Variants in KCND2 observed in about 807,000 individuals in gnomAD.
The protein encoded by KCND2 is potassium voltage-gated channel subfamily D member 2, also known as A-type voltage-gated potassium channel KCND2.
Under a neutral mutation model 54.4 loss-of-function variants are expected in KCND2, and 16 were observed. The ratio of observed to expected loss-of-function variants is 0.29; its 90% confidence interval spans 0.20 to 0.45. The LOEUF (loss-of-function observed/expected upper bound fraction) is 0.45, where lower values mean the gene tolerates loss of function less well. KCND2 is among the 20% of genes least tolerant of loss of function. The probability of loss-of-function intolerance (pLI) is 1.00; values close to 1 mark genes in which losing one functional copy is unlikely to be tolerated. For synonymous variants in KCND2, 317 were observed against 310.7 expected (o/e 1.02, Z -0.21); for missense variants, 486 against 824.2 (o/e 0.59, Z 5.02).
chr7:120,325,014 A>G (rs1482309042), intron 1 of KCND2, among the ~76,000 whole-genome samples: 2 of 132,550 alleles, frequency 1.5e-5, no homozygotes, highest in Non-Finnish European at 3.2e-5. Flanking sequence ...GAGGTCCTTC[A>G]CATCCCTTGT....
chr7:120,330,446 T>A (rs1462472701), intron 1 of KCND2, among the ~76,000 whole-genome samples: 1 of 151,840 alleles, frequency 6.6e-6, no homozygotes, highest in Non-Finnish European at 1.5e-5. Context: ...ATGGGCATGG[T>A]GGCAGGCACC....
chr7:120,680,835 A>G (rs184042098), intron 1 of KCND2, among the ~76,000 whole-genome samples: 1 of 152,240 alleles, frequency 6.6e-6, no homozygotes, highest in African/African-American at 2.4e-5. Flanking sequence ...ATTAAGAAAT[A>G]AAAGTATAGG....
At chr7:120,656,404 A>G (rs1005906649) in intron 1 of KCND2, among the ~76,000 whole-genome samples, 4 of 152,216 alleles carry the variant, frequency 2.6e-5, no homozygotes, top group East Asian at 1.9e-4. Flanking sequence ...ATTTTACCCA[A>G]TGAAACATGG....
At chr7:120,559,357 G>A (rs1008145231) in intron 1 of KCND2, among the ~76,000 whole-genome samples, 21 of 152,150 alleles carry the variant, frequency 1.4e-4, no homozygotes, top group South Asian at 6.2e-4. Context: ...TCATCTACCA[G>A]ACAATTCCAA....
intron 1 of KCND2, among the ~76,000 whole-genome samples, chr7:120,540,285 G>A (rs994970215): frequency 2.0e-5 from 3 of 152,146 alleles, no homozygotes; most frequent in Admixed American, 6.5e-5. Context: ...CTTACCTTAT[G>A]ATATAAAATT....
intron 1 of KCND2, among the ~76,000 whole-genome samples, chr7:120,441,141 T>C (rs1298050197): frequency 6.6e-6 from 1 of 152,112 alleles, no homozygotes. Context: ...GATAATTTTA[T>C]ATAAATGTTT....
intron 1 of KCND2, among the ~76,000 whole-genome samples, chr7:120,599,172 T>C (rs1184575768): frequency 1.3e-5 from 2 of 152,160 alleles, no homozygotes; most frequent in Admixed American, 6.5e-5. Context: ...GTTGGTTCCA[T>C]TGATATATTT....
intron 1 of KCND2, among the ~76,000 whole-genome samples, chr7:120,605,199 A>G (rs570593579): frequency 3.9e-5 from 6 of 152,114 alleles, no homozygotes; most frequent in Admixed American, 6.6e-5. Flanking sequence ...AAAAGAAACC[A>G]CATACTTGTT....
intron 1 of KCND2, among the ~76,000 whole-genome samples, chr7:120,526,005 A>G (rs1791768408): frequency 6.6e-6 from 1 of 152,110 alleles, no homozygotes; most frequent in African/African-American, 2.4e-5. Flanking sequence ...TTTACAAGTG[A>G]TAATCACCAC....
At chr7:120,682,246 T>C (rs1263485463) in intron 1 of KCND2, among the ~76,000 whole-genome samples, 1 of 152,012 alleles carries the variant, frequency 6.6e-6, no homozygotes, top group African/African-American at 2.4e-5. Context: ...ATAAGTTATT[T>C]CTCTCAGGGA....
chr7:120,426,221 T>G lies in KCND2; in HGVS notation c.1115+150474T>G, dbSNP rs188285602. 1.6e-3 allele frequency among the ~76,000 whole-genome samples: 249 copies of G among 152,188 alleles called. 4 individuals are homozygous for G. The East Asian group carries it at 0.041, about 25-fold the overall frequency. ...TTAAACATATAATATATCCTTAAAT[T>G]TAAAATATATTTTACAAACTTTGAC... On this transcript the variant is annotated intron_variant, in intron 1 of 5. Coordinates refer to ENST00000331113, the MANE Select transcript of KCND2 (RefSeq NM_012281.3).
intron 1 of KCND2, among the ~76,000 whole-genome samples, chr7:120,654,993 C>T (rs570416338): frequency 4.6e-5 from 7 of 151,726 alleles, no homozygotes; most frequent in Non-Finnish European, 1.0e-4. Flanking sequence ...GTATGTATTA[C>T]CTATTCAAAA....
At chr7:120,717,984 C>T (rs1236154069) in intron 1 of KCND2, among the ~76,000 whole-genome samples, 2 of 152,064 alleles carry the variant, frequency 1.3e-5, no homozygotes, top group African/African-American at 4.8e-5. Flanking sequence ...CTCCCCCCTG[C>T]ACCAATATTA....
chr7:120,433,638 T>A (rs6962488), intron 1 of KCND2, among the ~76,000 whole-genome samples: 25,848 of 152,162 alleles, frequency 0.17, 2,840 homozygotes, highest in East Asian at 0.56. Flanking sequence ...GTAAATGCTC[T>A]GTAAGTATTG....
intron 1 of KCND2, among the ~76,000 whole-genome samples, chr7:120,285,920 T>G (rs917323777): frequency 2.6e-5 from 4 of 151,880 alleles, no homozygotes; most frequent in African/African-American, 9.7e-5. Context: ...TAGTGATAAG[T>G]AAAGTGCCTA....
rs146419037 is a variant in KCND2 at position 120,595,082 on chromosome 7, A to G, written c.1116-137821A>G. Among the ~76,000 whole-genome samples, 3 of 151,964 alleles carry G rather than the reference A, an allele frequency of 2.0e-5. No individual in the cohort carries two copies. In the East Asian group the frequency reaches 5.8e-4, roughly 29 times the overall value. On this transcript the variant is annotated intron_variant, in intron 1 of 5. Coordinates refer to ENST00000331113, the MANE Select transcript of KCND2 (RefSeq NM_012281.3). ...AATCGATGTGTCATAAGTACCTAGC[A>G]TTAGCTCTACAGAGACATGTTGCCT...
intron 1 of KCND2, among the ~76,000 whole-genome samples, chr7:120,366,299 A>G (rs539281061): frequency 1.1e-4 from 17 of 152,212 alleles, no homozygotes; most frequent in African/African-American, 3.8e-4. Flanking sequence ...AGCTTGGCCA[A>G]CATGGTGAAA....
chr7:120,524,528 T>A (rs1791747301), intron 1 of KCND2, among the ~76,000 whole-genome samples: 1 of 152,244 alleles, frequency 6.6e-6, no homozygotes, highest in African/African-American at 2.4e-5. Context: ...TCATTTTCCA[T>A]AATTACCATT....
chr7:120,310,167 G>A (rs770298524), intron 1 of KCND2, among the ~76,000 whole-genome samples: 7 of 152,082 alleles, frequency 4.6e-5, no homozygotes, highest in African/African-American at 7.2e-5. Flanking sequence ...ATAGAATCAC[G>A]TTAGTAACAC....
Sources: allele counts gnomAD v4.1 joint callset (sites outside exome capture counted in the v4.1 genomes callset), GRCh38; gene constraint gnomAD v4.1.1; transcripts MANE v1.5; gene names NCBI Gene and HGNC (gene_info 2026-07-23, HGNC 2026-07-21).